Variants in CTNNA3 observed in about 807,000 individuals in gnomAD.
CTNNA3 encodes catenin alpha-3.
CTNNA3 carries 76 observed loss-of-function variants against 95.7 expected under a neutral mutation model. The observed-to-expected ratio is 0.79, with a 90% confidence interval of 0.66 to 0.96. The LOEUF (loss-of-function observed/expected upper bound fraction) is 0.96. Ranked by LOEUF, CTNNA3 falls within the 40% of genes least tolerant of loss-of-function variation. The probability of loss-of-function intolerance (pLI) is 0.00; values close to 1 mark genes in which losing one functional copy is unlikely to be tolerated. For missense variants in CTNNA3, 1,191 were observed against 1,089.8 expected, an observed-to-expected ratio of 1.09 and a Z score of -1.31; for synonymous variants, 431 against 374.4, an observed-to-expected ratio of 1.15 and a Z score of -1.74.
At chr10:67,251,724 T>A (rs1373008282) in intron 5 of CTNNA3, among the ~76,000 whole-genome samples, 1 of 152,046 alleles carries the variant, frequency 6.6e-6, no homozygotes, top group African/African-American at 2.4e-5. Context: ...CAGAAAATAA[T>A]CTCAATATAA....
rs150180506 is a variant in CTNNA3 at position 67,196,745 on chromosome 10, C to T, written c.844-16225G>A. Among the ~76,000 whole-genome samples, 925 of 152,122 alleles carry T rather than the reference C, an allele frequency of 6.1e-3. 9 individuals carry two copies. Among genetic ancestry groups the T allele is most frequent in the African/African-American group, 0.021 (883 of 41,528 alleles). On this transcript the variant is annotated intron_variant, in intron 6 of 17. Coordinates refer to ENST00000433211, the MANE Select transcript of CTNNA3 (RefSeq NM_013266.4). ...AAACTTTGAAGGATTCTCCTACTTT[C>T]ACAATCTCTGTATAAAAGAATAGTA... is the stretch of plus-strand genomic sequence containing the variant.
At chr10:66,714,610 C>A (rs1012373475) in intron 9 of CTNNA3, among the ~76,000 whole-genome samples, 1 of 152,092 alleles carries the variant, frequency 6.6e-6, no homozygotes, top group Non-Finnish European at 1.5e-5. Context: ...CTTTTTTGAG[C>A]AGTGCTTCTT....
At chr10:66,801,038 G>C (rs190410565) in intron 7 of CTNNA3, among the ~76,000 whole-genome samples, 1 of 151,332 alleles carries the variant, frequency 6.6e-6, no homozygotes, top group Admixed American at 6.6e-5. Flanking sequence ...ATTTAAAGAA[G>C]TCATACTAAT....
intron 7 of CTNNA3, among the ~76,000 whole-genome samples, chr10:66,939,159 T>C (rs1431780438): frequency 1.3e-5 from 2 of 152,168 alleles, no homozygotes; most frequent in African/African-American, 2.4e-5. Flanking sequence ...AGCTGACAAG[T>C]AGTAATGCTC....
rs185308018 is a variant in CTNNA3, at chr10:66,417,661, A to G, written c.1532-38309T>C. ...AAGTCTCAACAAATTTTAAACAAGCAAAATGGTATCAAGTACCTTCTCAGA... is the reference window on the plus strand; with the variant it reads ...AAGTCTCAACAAATTTTAAACAAGCGAAATGGTATCAAGTACCTTCTCAGA... On this transcript the variant is annotated intron_variant, in intron 11 of 17. Coordinates refer to ENST00000433211, the MANE Select transcript of CTNNA3 (RefSeq NM_013266.4). Among the ~76,000 whole-genome samples, 503 of 152,138 alleles carry G rather than the reference A, an allele frequency of 3.3e-3. 1 individual carries two copies. The highest frequency in any genetic ancestry group is 0.012 in the African/African-American group (482 of 41,562).
chr10:66,999,004 T>C (rs148099234), intron 7 of CTNNA3, among the ~76,000 whole-genome samples: 229 of 152,200 alleles, frequency 1.5e-3, no homozygotes, highest in African/African-American at 5.2e-3. Context: ...TCTGTGCATA[T>C]AAGACAATTA....
intron 7 of CTNNA3, among the ~76,000 whole-genome samples, chr10:66,797,319 A>G (rs1032047867): frequency 6.6e-6 from 1 of 151,054 alleles, no homozygotes; most frequent in South Asian, 2.1e-4. Flanking sequence ...TACTTAAACT[A>G]TGGTTCCCAG....
intron 4 of CTNNA3, among the ~76,000 whole-genome samples, chr10:67,529,207 A>G (rs1326414038): frequency 6.6e-6 from 1 of 152,124 alleles, no homozygotes; most frequent in Non-Finnish European, 1.5e-5. Context: ...ATAAAGTTAG[A>G]TGGAAAAAAA....
intron 7 of CTNNA3, among the ~76,000 whole-genome samples, chr10:66,887,190 C>A (rs1055260958): frequency 1.3e-5 from 2 of 152,104 alleles, no homozygotes; most frequent in African/African-American, 2.4e-5. Flanking sequence ...TATTTGCTCA[C>A]TCTCCATGCA....
chr10:67,046,930 T>G (rs4746654), intron 7 of CTNNA3, among the ~76,000 whole-genome samples: 67,170 of 151,946 alleles, frequency 0.44, 15,248 homozygotes, highest in Middle Eastern at 0.61. Flanking sequence ...AAGAGGTACA[T>G]TAGTAGGTAA....
At chr10:67,035,649 A>G (rs1457161817) in intron 7 of CTNNA3, among the ~76,000 whole-genome samples, 1 of 152,212 alleles carries the variant, frequency 6.6e-6, no homozygotes, top group Non-Finnish European at 1.5e-5. Flanking sequence ...AAGAAATGCT[A>G]TCAGTTCACC....
At chr10:66,181,145 T>C (rs1327492988) in intron 13 of CTNNA3, among the ~76,000 whole-genome samples, 1 of 152,192 alleles carries the variant, frequency 6.6e-6, no homozygotes, top group Non-Finnish European at 1.5e-5. Context: ...TTATGTGGAC[T>C]TCAAAATGAG....
At chr10:66,135,149 TAGTAAC>T in intron 13 of CTNNA3, among the ~76,000 whole-genome samples, 1 of 152,174 alleles carries the variant, frequency 6.6e-6, no homozygotes. Context: ...ATTTCTTAGC[TAGTAAC>T]AGTAAAAGAA....
At chr10:66,962,557 G>A (rs183462258) in intron 7 of CTNNA3, among the ~76,000 whole-genome samples, 398 of 151,796 alleles carry the variant, frequency 2.6e-3, no homozygotes, top group Non-Finnish European at 4.2e-3. Context: ...TTACAGGCAC[G>A]TGCCACCACA....
intron 9 of CTNNA3, among the ~76,000 whole-genome samples, chr10:66,760,583 A>G (rs182014773): frequency 3.3e-5 from 5 of 152,272 alleles, no homozygotes; most frequent in Admixed American, 2.0e-4. Flanking sequence ...GAATTCTAAG[A>G]CACTAACATT....
At chr10:67,731,130 C>T (rs931573288) in intron 1 of CTNNA3, among the ~76,000 whole-genome samples, 3 of 151,872 alleles carry the variant, frequency 2.0e-5, no homozygotes, top group Admixed American at 6.6e-5. Context: ...GAAGTAAATA[C>T]CAGAATAAGC....
At chr10:67,586,682 G>A (rs141477136) in intron 3 of CTNNA3, among the ~76,000 whole-genome samples, 1 of 151,996 alleles carries the variant, frequency 6.6e-6, no homozygotes, top group East Asian at 1.9e-4. Flanking sequence ...TAGTCTATAT[G>A]TGTCTTTTCA....
chr10:66,108,827 T>C (rs1245650878), intron 13 of CTNNA3, among the ~76,000 whole-genome samples: 2 of 152,218 alleles, frequency 1.3e-5, no homozygotes, highest in African/African-American at 4.8e-5. Context: ...GGGAACATTT[T>C]TGAGCTGTGG....
intron 10 of CTNNA3, among the ~76,000 whole-genome samples, chr10:66,608,730 A>G (rs1163477874): frequency 9.9e-5 from 15 of 152,210 alleles, no homozygotes; most frequent in Non-Finnish European, 1.6e-4. Flanking sequence ...ATAACTGGCT[A>G]GCCATACGCA....
Sources: gnomAD v4.1 joint callset for allele counts (sites outside exome capture counted in the v4.1 genomes callset) on GRCh38, gnomAD v4.1.1 for gene constraint, MANE v1.5 for transcripts, NCBI Gene and HGNC (gene_info 2026-07-23, HGNC 2026-07-21) for gene names.